The following MTHFS variants were observed in gnomAD, a reference collection of about 807,000 sequenced individuals.
MTHFS encodes the protein methenyltetrahydrofolate synthetase, also known as 5-formyltetrahydrofolate cyclo-ligase.
In MTHFS, 7 loss-of-function variants were observed where a neutral mutation model predicts 12.7. That is an observed-to-expected ratio of 0.55 (90% CI 0.31 to 1.03). The LOEUF (loss-of-function observed/expected upper bound fraction) is 1.03. MTHFS is among the 50% of genes least tolerant of loss of function. The pLI, the probability that MTHFS is intolerant of heterozygous loss-of-function variation, is 0.05. For missense variants in MTHFS, 252 were observed against 258.1 expected, an observed-to-expected ratio of 0.98 and a Z score of 0.16; for synonymous variants, 100 against 97.1, an observed-to-expected ratio of 1.03 and a Z score of -0.18.
Position 79,896,822 on chromosome 15 carries a change from G to A in MTHFS, c.117+50C>T, listed in dbSNP as rs2034585035. ...CAGATCAGCAATCGCTGGCCGCCAG[G>A]CCTTCGGAGGGTCTGTCCGCCGCGG... On this transcript the variant is annotated intron_variant, in intron 1 of 2. Coordinates refer to ENST00000258874, the MANE Select transcript of MTHFS (RefSeq NM_006441.4). 3 of 1,536,456 alleles carry A rather than the reference G, an allele frequency of 2.0e-6. No individual in the cohort carries two copies. The South Asian group carries it at 3.6e-5, about 18-fold the overall frequency.
chr15:79,871,225 G>C (rs1187687072), intron 2 of MTHFS, among the ~76,000 whole-genome samples: 4 of 152,146 alleles, frequency 2.6e-5, no homozygotes, highest in African/African-American at 9.7e-5. Context: ...TATAATGCTA[G>C]TGAGAATTTG....
intron 2 of MTHFS, among the ~76,000 whole-genome samples, chr15:79,885,428 T>C (rs1486880592): frequency 6.6e-6 from 1 of 152,194 alleles, no homozygotes; most frequent in Non-Finnish European, 1.5e-5. Flanking sequence ...ATTGACAGCA[T>C]TGGTGAGTTT....
chr15:79,861,607 C>T (rs1295894000), intron 2 of MTHFS, among the ~76,000 whole-genome samples: 3 of 152,202 alleles, frequency 2.0e-5, no homozygotes, highest in Non-Finnish European at 4.4e-5. Context: ...CATGGACTTA[C>T]TTGCATAACT....
At chr15:79,866,517 G>C (rs1566991511) in intron 2 of MTHFS, among the ~76,000 whole-genome samples, 1 of 152,152 alleles carries the variant, frequency 6.6e-6, no homozygotes, top group Non-Finnish European at 1.5e-5. Flanking sequence ...CAATACAGTA[G>C]GATGACAGCC....
chr15:79,854,106 G>A (rs762306526), intron 2 of MTHFS, among the ~76,000 whole-genome samples: 1 of 152,216 alleles, frequency 6.6e-6, no homozygotes, highest in East Asian at 1.9e-4. Context: ...AAGCAGACAG[G>A]GAGAGCGCTG....
intron 2 of MTHFS, among the ~76,000 whole-genome samples, chr15:79,853,677 G>C (rs1286043791): frequency 6.6e-6 from 1 of 152,148 alleles, no homozygotes; most frequent in African/African-American, 2.4e-5. Flanking sequence ...GGTGGGCCTA[G>C]CTCTCTACTG....
chr15:79,868,070 G>A (rs2034043003), intron 2 of MTHFS, among the ~76,000 whole-genome samples: 1 of 152,190 alleles, frequency 6.6e-6, no homozygotes, highest in Non-Finnish European at 1.5e-5. Context: ...ATATTTTGCA[G>A]TCTGTAGCAC....
chr15:79,889,110 T>C lies in MTHFS; in HGVS notation c.362A>G (p.Glu121Gly). Reference sequence around the variant, plus strand: ...ATACTCACCTGTGGACAAGGCCTCCTCCCGAACATCACCCTCACCAGGCTG... The same window carrying C: ...ATACTCACCTGTGGACAAGGCCTCCCCCCGAACATCACCCTCACCAGGCTG... The part of the protein sequence containing the change: ...IPQPGEGDVR[E>G]EALSTGGLDL... The change falls in exon 2 of 3, where the codon GAG becomes GGG. Residue 121 changes from glutamate to glycine, a missense_variant. Transcript: ENST00000258874. The C allele has an allele frequency of 6.2e-7, 1 of 1,614,160 alleles. No homozygotes were observed. Among genetic ancestry groups the C allele is most frequent in the Middle Eastern group, 1.6e-4 (1 of 6,062 alleles).
intron 2 of MTHFS, among the ~76,000 whole-genome samples, chr15:79,852,385 A>T (rs145390114): frequency 1.3e-5 from 2 of 152,240 alleles, no homozygotes; most frequent in Non-Finnish European, 2.9e-5. Flanking sequence ...GGTTTTTAAA[A>T]AACATGGTTC....
In MTHFS at chr15:79,869,985, A is replaced by G. The variant is rs75189147; in HGVS notation, c.379+19108T>C. Among the ~76,000 whole-genome samples, 223 of 152,332 alleles carry G rather than the reference A, an allele frequency of 1.5e-3. 1 individual carries two copies. The East Asian group carries it at 0.032, about 22-fold the overall frequency. On this transcript the variant is annotated intron_variant, in intron 2 of 2. Coordinates refer to ENST00000258874, the MANE Select transcript of MTHFS (RefSeq NM_006441.4). ...GAAAGAAGGGATTATCAAAAAAGAT[A>G]GTTGAAAATAGTTCCCTGGAGTTAA...
At chr15:79,897,122 G>C (rs919565391), upstream of MTHFS, 21 of 805,582 alleles carry the variant, frequency 2.6e-5, no homozygotes, top group African/African-American at 3.1e-4. Flanking sequence ...CCCCCACCCC[G>C]CTTCCGGGAC....
chr15:79,889,381 T>C (rs2034434669), intron 1 of MTHFS, 27 bp from the exon 2 acceptor site: 1 of 1,605,022 alleles, frequency 6.2e-7, no homozygotes, highest in East Asian at 2.2e-5. Flanking sequence ...GGCAATTATA[T>C]TTTCCAAGAC....
chr15:79,896,686 T>A (rs935490845), intron 1 of MTHFS, 186 bp downstream of exon 1: 5 of 1,107,958 alleles, frequency 4.5e-6, no homozygotes, highest in African/African-American at 1.6e-5. Context: ...CCCGCCATAG[T>A]GCCAAGAGCG....
chr15:79,887,245 C>T (rs1433738650), intron 2 of MTHFS, among the ~76,000 whole-genome samples: 1 of 152,094 alleles, frequency 6.6e-6, no homozygotes, highest in Non-Finnish European at 1.5e-5. Context: ...AAAAAAAAAC[C>T]TGCATAAATG....
intron 2 of MTHFS, among the ~76,000 whole-genome samples, chr15:79,887,101 G>C (rs191157045): frequency 2.2e-4 from 34 of 152,234 alleles, no homozygotes; most frequent in Admixed American, 1.8e-3. Context: ...AGCCACGGTG[G>C]CGCACGCCTG....
At chr15:79,853,711 T>C (rs1048569187) in intron 2 of MTHFS, among the ~76,000 whole-genome samples, 4 of 152,296 alleles carry the variant, frequency 2.6e-5, no homozygotes, top group African/African-American at 9.6e-5. Context: ...GCTAGAAACA[T>C]GCAGAGCGGT....
At chr15:79,884,967 A>G (rs568505515) in intron 2 of MTHFS, among the ~76,000 whole-genome samples, 56 of 152,346 alleles carry the variant, frequency 3.7e-4, no homozygotes, top group Non-Finnish European at 7.2e-4. Flanking sequence ...TGATCTACAC[A>G]TCTTTTCTGA....
intron 2 of MTHFS, among the ~76,000 whole-genome samples, chr15:79,862,241 C>T (rs1394469086): frequency 6.6e-6 from 1 of 152,140 alleles, no homozygotes; most frequent in African/African-American, 2.4e-5. Flanking sequence ...AAATATGCCT[C>T]CTTCCCACCC....
At position 79,882,944 on chromosome 15, in the gene MTHFS, G is replaced by A. The variant is rs113473965; in HGVS notation, c.379+6149C>T. On this transcript the variant is annotated intron_variant, in intron 2 of 2. Transcript: ENST00000258874. ...ATGTTGGTTGGGTGCAGTGGCTCACGCCTATAATCCCAGCACTCTGGGAGG... is the reference window on the plus strand; with the variant it reads ...ATGTTGGTTGGGTGCAGTGGCTCACACCTATAATCCCAGCACTCTGGGAGG... 3.7e-3 allele frequency among the ~76,000 whole-genome samples: 567 copies of A among 152,330 alleles called. 4 individuals carry two copies. The highest frequency in any genetic ancestry group is 0.013 in the African/African-American group (550 of 41,570).
Sources: allele counts gnomAD v4.1 joint callset (sites outside exome capture counted in the v4.1 genomes callset), GRCh38; gene constraint gnomAD v4.1.1; transcripts MANE v1.5; gene names NCBI Gene and HGNC (gene_info 2026-07-23, HGNC 2026-07-21).